Variants in OSBP2 observed in about 807,000 individuals in gnomAD.
OSBP2 encodes the protein oxysterol binding protein 2, also known as oxysterol-binding protein 2.
In OSBP2, 66 loss-of-function variants were observed where a neutral mutation model predicts 96.0. The observed-to-expected ratio is 0.69, with a 90% CI of 0.56 to 0.84. The LOEUF (loss-of-function observed/expected upper bound fraction) is 0.84. OSBP2 is among the 40% of genes least tolerant of loss of function. The pLI, the probability that OSBP2 is intolerant of heterozygous loss-of-function variation, is 0.00. For missense variants in OSBP2, 1,038 were observed against 1,222.7 expected (o/e 0.85, Z 2.25); for synonymous variants, 525 against 520.9 (o/e 1.01, Z -0.11).
chr22:30,893,308 G>A (rs2039994237), intron 9 of OSBP2, 66 bp downstream of exon 9: 61 of 1,607,072 alleles, frequency 3.8e-5, no homozygotes, highest in Non-Finnish European at 4.9e-5. Flanking sequence ...GGATTCTGGT[G>A]ATGCAAAAGC....
chr22:30,776,115 CTTTTTTT>C (rs66689098), intron 2 of OSBP2, among the ~76,000 whole-genome samples: 3 of 139,508 alleles, frequency 2.2e-5, no homozygotes, highest in Non-Finnish European at 4.7e-5. Context: ...TTTTTCTTTT[CTTTTTTT>C]TTTTTTTATT....
At chr22:30,878,899 G>A (rs1312149260) in intron 3 of OSBP2, among the ~76,000 whole-genome samples, 1 of 152,158 alleles carries the variant, frequency 6.6e-6, no homozygotes, top group Non-Finnish European at 1.5e-5. Context: ...CACTCCAGCT[G>A]CAAGGGCAAA....
At chr22:30,745,986 C>T (rs2089995012) in intron 2 of OSBP2, among the ~76,000 whole-genome samples, 1 of 152,096 alleles carries the variant, frequency 6.6e-6, no homozygotes, top group Non-Finnish European at 1.5e-5. Flanking sequence ...ACTCAAATTA[C>T]AAAAACTGAG....
At chr22:30,803,130 C>A in intron 2 of OSBP2, 1 of 201,298 alleles carries the variant, frequency 5.0e-6, no homozygotes, top group South Asian at 7.7e-5. Context: ...AGAGCCCTCG[C>A]AGCCTCGGGG....
chr22:30,717,578 AGC>A (rs2089483492), intron 1 of OSBP2, among the ~76,000 whole-genome samples: 1 of 152,220 alleles, frequency 6.6e-6, no homozygotes, highest in African/African-American at 2.4e-5. Flanking sequence ...TTTGCTCACT[AGC>A]TATAAAGCCC....
intron 3 of OSBP2, among the ~76,000 whole-genome samples, chr22:30,886,074 A>G (rs1022581663): frequency 6.6e-6 from 1 of 152,266 alleles, no homozygotes; most frequent in African/African-American, 2.4e-5. Flanking sequence ...GAAGAGATTT[A>G]TTCTCAGCCA....
chr22:30,791,761 T>A (rs2145826930), intron 2 of OSBP2, among the ~76,000 whole-genome samples: 1 of 152,294 alleles, frequency 6.6e-6, no homozygotes. Flanking sequence ...AAGAGTGTCT[T>A]AGCTAGGAAG....
intron 2 of OSBP2, among the ~76,000 whole-genome samples, chr22:30,788,394 A>C (rs114456421): frequency 0.013 from 2,007 of 152,272 alleles, 35 homozygotes; most frequent in African/African-American, 0.044. Flanking sequence ...CCAGCAGTAG[A>C]GAGAGGCCAG....
chr22:30,788,866 C>G (rs761675021), intron 2 of OSBP2, among the ~76,000 whole-genome samples: 2 of 152,120 alleles, frequency 1.3e-5, no homozygotes, highest in Non-Finnish European at 2.9e-5. Context: ...GCGCCTGCCA[C>G]CACACCCGGC....
At chr22:30,864,505 G>A (rs1311857643) in intron 2 of OSBP2, among the ~76,000 whole-genome samples, 1 of 152,200 alleles carries the variant, frequency 6.6e-6, no homozygotes, top group African/African-American at 2.4e-5. Flanking sequence ...GCAGCACTGG[G>A]ATGGGCTGAA....
At chr22:30,698,563 C>T (rs549689935) in intron 1 of OSBP2, among the ~76,000 whole-genome samples, 1 of 151,832 alleles carries the variant, frequency 6.6e-6, no homozygotes, top group Non-Finnish European at 1.5e-5. Context: ...CTCAGCCTCC[C>T]GAGTAGCTGG....
chr22:30,796,003 T>C (rs1465007458), intron 2 of OSBP2, among the ~76,000 whole-genome samples: 1 of 152,228 alleles, frequency 6.6e-6, no homozygotes, highest in African/African-American at 2.4e-5. Flanking sequence ...TCAAGCTGCT[T>C]TGAACACCCT....
Position 30,733,398 on chromosome 22 carries a change from G to C in OSBP2, c.645-7763G>C, listed in dbSNP as rs1004062227. ...AAAGATACCTTGGAGAGATCTGCAG[G>C]GGGGATAAATGAAGAGCATTTCCTG... is the stretch of plus-strand genomic sequence containing the variant. On this transcript the variant is annotated intron_variant, in intron 1 of 13. Transcript: ENST00000332585. 3.9e-5 allele frequency among the ~76,000 whole-genome samples: 6 copies of C among 152,296 alleles called. No individual in the cohort carries two copies. The South Asian group carries it at 1.2e-3, about 32-fold the overall frequency.
intron 2 of OSBP2, among the ~76,000 whole-genome samples, chr22:30,810,108 T>A (rs1298776697): frequency 6.6e-6 from 1 of 151,844 alleles, no homozygotes; most frequent in Non-Finnish European, 1.5e-5. Context: ...GAATGGGGGA[T>A]AGGATATGGA....
intron 2 of OSBP2, among the ~76,000 whole-genome samples, chr22:30,759,988 A>G (rs2145770680): frequency 6.6e-6 from 1 of 151,558 alleles, no homozygotes; most frequent in Non-Finnish European, 1.5e-5. Context: ...CAGCCTCCTT[A>G]GTAGCTGGGA....
chr22:30,851,636 G>T (rs1443542351), intron 2 of OSBP2, among the ~76,000 whole-genome samples: 1 of 152,092 alleles, frequency 6.6e-6, no homozygotes, highest in Non-Finnish European at 1.5e-5. Flanking sequence ...TTGAGTAGAA[G>T]TGGTAATAGC....
At chr22:30,794,622 CTACTT>C (rs2090729997) in intron 2 of OSBP2, among the ~76,000 whole-genome samples, 2 of 151,526 alleles carry the variant, frequency 1.3e-5, no homozygotes, top group Non-Finnish European at 2.9e-5. Flanking sequence ...ATATTATAAT[CTACTT>C]TAAGTTATTA....
At chr22:30,737,903 G>A (rs918960058) in intron 1 of OSBP2, among the ~76,000 whole-genome samples, 1 of 151,882 alleles carries the variant, frequency 6.6e-6, no homozygotes, top group South Asian at 2.1e-4. Flanking sequence ...TAGTAGAGAC[G>A]GGGTTTCACT....
Position 30,791,799 on chromosome 22 carries a change from T to G in OSBP2, c.853+50430T>G, listed in dbSNP as rs1019148063. 1.1e-4 allele frequency among the ~76,000 whole-genome samples: 17 copies of G among 152,282 alleles called. No homozygotes were observed. The South Asian group carries it at 3.5e-3, about 32-fold the overall frequency. ...CTGCAAGATAGGAAGGTCATCATCA[T>G]CTCTCAGGGCTAGACCCAGGCCAGT... On this transcript the variant is annotated intron_variant, in intron 2 of 13. Coordinates refer to ENST00000332585, the MANE Select transcript of OSBP2 (RefSeq NM_030758.4).
Sources: gnomAD v4.1 joint callset for allele counts (sites outside exome capture counted in the v4.1 genomes callset) on GRCh38, gnomAD v4.1.1 for gene constraint, MANE v1.5 for transcripts, NCBI Gene and HGNC (gene_info 2026-07-23, HGNC 2026-07-21) for gene names.